The following CYB5RL variants were observed in gnomAD, a reference collection of about 807,000 sequenced individuals.
CYB5RL encodes the protein NADH-cytochrome b5 reductase-like.
In CYB5RL, 38 loss-of-function variants were observed where a neutral mutation model predicts 37.5. The ratio of observed to expected loss-of-function variants is 1.01; its 90% CI spans 0.78 to 1.33. The LOEUF (loss-of-function observed/expected upper bound fraction) is 1.33. Among genes scored for constraint, CYB5RL ranks in the 40% most tolerant of loss-of-function variants. The pLI is 0.00. For synonymous variants in CYB5RL, 141 were observed against 151.9 expected, an observed-to-expected ratio of 0.93 and a Z score of 0.53; for missense variants, 388 against 394.4, an observed-to-expected ratio of 0.98 and a Z score of 0.14.
At chr1:54,184,409 G>T in intron 5 of CYB5RL, 144 bp from the exon 6 acceptor site, 1 of 688,402 alleles carries the variant, frequency 1.5e-6, no homozygotes, top group Non-Finnish European at 2.4e-6. Flanking sequence ...ATCCTACAAA[G>T]TTGGTACAGC....
chr1:54,186,676 T>A (rs530581799), intron 5 of CYB5RL, among the ~76,000 whole-genome samples: 19 of 152,134 alleles, frequency 1.2e-4, no homozygotes, highest in African/African-American at 4.6e-4. Flanking sequence ...AGAGGATTTG[T>A]GGAATCTCCC....
chr1:54,175,936 G>A (rs949650293), intron 7 of CYB5RL, among the ~76,000 whole-genome samples: 2 of 152,116 alleles, frequency 1.3e-5, no homozygotes, highest in African/African-American at 2.4e-5. Context: ...ACTATATATA[G>A]TCTGAAGAAT....
chr1:54,184,146 G>C lies in CYB5RL; in HGVS notation c.540+15C>G. On this transcript the variant is annotated intron_variant, in intron 6 of 7. Transcript: ENST00000534324. ...CAACAGGGATCTCCTGAAGATTTAA[G>C]GTGCTGGCACTGACCTGGTTTGGTT... 1 of 1,608,060 alleles carries C rather than the reference G, an allele frequency of 6.2e-7. No homozygotes were observed. The highest frequency in any genetic ancestry group is 8.5e-7 in the Non-Finnish European group (1 of 1,176,942).
intron 1 of CYB5RL, among the ~76,000 whole-genome samples, chr1:54,199,094 T>C (rs1644048852): frequency 6.6e-6 from 1 of 152,216 alleles, no homozygotes; most frequent in Admixed American, 6.5e-5. Context: ...CCTTGACACA[T>C]GTTGCCTCAG....
chr1:54,178,830 T>C (rs1265674622), intron 7 of CYB5RL, among the ~76,000 whole-genome samples: 3 of 152,196 alleles, frequency 2.0e-5, no homozygotes, highest in Non-Finnish European at 2.9e-5. Context: ...TAACTGATGA[T>C]GCCAGAGGGC....
chr1:54,190,781 A>T lies in CYB5RL; in HGVS notation c.314T>A (p.Leu105His). 1 of 1,562,324 alleles carries T rather than the reference A, an allele frequency of 6.4e-7. No homozygotes were observed. Among genetic ancestry groups the T allele is most frequent in the Non-Finnish European group, 8.7e-7 (1 of 1,153,310 alleles). ...VRFALPGNSQ[L>H]GLRPGQHLIL... ...GAGGTGCTGGCCGGGCCGCAGGCCA[A>T]GCTGGCTGTTCCCGGGTAGAGCAAA... Residue 105 changes from leucine (L) to histidine (H), a missense_variant, in exon 4 of 8, where the codon CTT (leucine) becomes CAT (histidine). Coordinates refer to ENST00000534324, the MANE Select transcript of CYB5RL (RefSeq NM_001031672.4).
At chr1:54,182,900 T>G (rs1660201750) in intron 6 of CYB5RL, among the ~76,000 whole-genome samples, 1 of 152,246 alleles carries the variant, frequency 6.6e-6, no homozygotes, top group Admixed American at 6.5e-5. Context: ...GAGGAAGGCA[T>G]GATTCATTCT....
chr1:54,174,435 G>T lies in CYB5RL; in HGVS notation c.*184C>A. The T allele has an allele frequency of 1.5e-6, 1 of 672,362 alleles. No individual in the cohort carries two copies. Among genetic ancestry groups the T allele is most frequent in the Non-Finnish European group, 2.5e-6 (1 of 397,608 alleles). 41.6% of individuals were successfully genotyped at this position (672,362 alleles called of 1,614,324 possible). On this transcript the variant is annotated 3_prime_UTR_variant, in exon 8 of 8. Coordinates refer to ENST00000534324, the MANE Select transcript of CYB5RL (RefSeq NM_001031672.4). The stretch of plus-strand genomic sequence containing the variant: ...TCTACATAGTAGGAGGCCAGGAGGA[G>T]TGATTAACCTCATGGGGCAGATGAG...
chr1:54,199,882 C>T (rs1449743586), intron 1 of CYB5RL, 94 bp downstream of exon 1: 1 of 241,354 alleles, frequency 4.1e-6, no homozygotes, highest in East Asian at 8.8e-5. Context: ...AAGGGAAGTG[C>T]CTTCCCAAGC....
At chr1:54,178,215 C>G (rs1252283256) in intron 7 of CYB5RL, among the ~76,000 whole-genome samples, 1 of 152,148 alleles carries the variant, frequency 6.6e-6, no homozygotes, top group Non-Finnish European at 1.5e-5. Flanking sequence ...ATTTCCTCAC[C>G]CTCCACACCC....
At chr1:54,190,468 C>T in intron 4 of CYB5RL, 1 of 589,684 alleles carries the variant, frequency 1.7e-6, no homozygotes, top group Non-Finnish European at 3.0e-6. Flanking sequence ...ACTGCACCTA[C>T]CACACAGGAT....
At chr1:54,178,840 C>T (rs554076643) in intron 7 of CYB5RL, among the ~76,000 whole-genome samples, 12 of 152,172 alleles carry the variant, frequency 7.9e-5, no homozygotes, top group Admixed American at 1.3e-4. Flanking sequence ...TGCCAGAGGG[C>T]GATGGGAGGC....
At chr1:54,184,645 T>A (rs1660246443) in intron 5 of CYB5RL, 1 of 158,652 alleles carries the variant, frequency 6.3e-6, no homozygotes. Context: ...GGGACTATGA[T>A]AAATTGGTGA....
At chr1:54,176,087 T>C (rs1184077166) in intron 7 of CYB5RL, among the ~76,000 whole-genome samples, 1 of 152,238 alleles carries the variant, frequency 6.6e-6, no homozygotes, top group African/African-American at 2.4e-5. Flanking sequence ...GGAGCTCCAC[T>C]GCCACTTTCC....
At chr1:54,192,993 G>A (rs1337414762) in intron 3 of CYB5RL, among the ~76,000 whole-genome samples, 1 of 152,200 alleles carries the variant, frequency 6.6e-6, no homozygotes, top group Non-Finnish European at 1.5e-5. Flanking sequence ...GAGCTTAGGT[G>A]ATCCACCTGC....
At position 54,187,808 on chromosome 1, in the gene CYB5RL, G is replaced by C. The variant is rs992255308; in HGVS notation, c.348-69C>G. 110 of 1,374,476 alleles carry C rather than the reference G, an allele frequency of 8.0e-5. No individual in the cohort carries two copies. The African/African-American group carries it at 1.4e-3, about 18-fold the overall frequency. The allele number at this position is 1,374,476 out of a possible 1,614,324, so 85.1% of individuals were successfully genotyped here. On this transcript the variant is annotated intron_variant, in intron 4 of 7. Transcript: ENST00000534324. ...AACCCTTTTAAGGCTGGGCACGGTGGCTCATGTCTGTAATCCCCACACTTT... is the reference window on the plus strand; with the variant it reads ...AACCCTTTTAAGGCTGGGCACGGTGCCTCATGTCTGTAATCCCCACACTTT...
intron 6 of CYB5RL, among the ~76,000 whole-genome samples, chr1:54,179,815 C>T (rs1660112606): frequency 1.3e-5 from 2 of 152,212 alleles, no homozygotes; most frequent in African/African-American, 4.8e-5. Context: ...CTCTGGGCTG[C>T]TTCCTCTGCC....
chr1:54,184,359 A>G (rs1468974372), intron 5 of CYB5RL, 94 bp from the exon 6 acceptor site: 1 of 1,030,504 alleles, frequency 9.7e-7, no homozygotes, highest in Non-Finnish European at 1.5e-6. Context: ...TCTGTATGCT[A>G]AGTGCTTCAC....
Position 54,174,751 on chromosome 1 carries a change from T to C in CYB5RL, c.816A>G (p.Leu272=). ...KTHFGHLGQD[L]IKELVSCCRR... is the part of the protein sequence containing the mutation. ...GACAGCAGCTGACCAGCTCTTTAAT[T>C]AGGTCCTGGCCCAGGTGGCCAAAGT... Residue 272 remains leucine, a synonymous_variant, in exon 8 of 8, where the codon CTA becomes CTG. Coordinates refer to ENST00000534324, the MANE Select transcript of CYB5RL (RefSeq NM_001031672.4). 3 of 1,613,990 alleles carry C rather than the reference T, an allele frequency of 1.9e-6. No homozygotes were observed. Among genetic ancestry groups the C allele is most frequent in the Non-Finnish European group, 2.5e-6 (3 of 1,179,894 alleles).
Sources: allele counts gnomAD v4.1 joint callset (sites outside exome capture counted in the v4.1 genomes callset), GRCh38; gene constraint gnomAD v4.1.1; transcripts MANE v1.5; gene names NCBI Gene and HGNC (gene_info 2026-07-23, HGNC 2026-07-21).